Variants in SPAG16 observed in about 807,000 individuals in gnomAD.
SPAG16 encodes the protein sperm-associated antigen 16 protein.
Under a neutral mutation model 80.4 loss-of-function variants are expected in SPAG16, and 86 were observed. The observed-to-expected ratio is 1.07, with a 90% CI of 0.90 to 1.28. The LOEUF is 1.28. Ranked by LOEUF, SPAG16 falls within the 50% of genes most tolerant of loss-of-function variation. The probability of loss-of-function intolerance (pLI) is 0.00; values close to 1 mark genes in which losing one functional copy is unlikely to be tolerated. For missense variants in SPAG16, 870 were observed against 765.3 expected (o/e 1.14, Z -1.61); for synonymous variants, 294 against 265.9 (o/e 1.11, Z -1.03).
intron 10 of SPAG16, among the ~76,000 whole-genome samples, chr2:213,557,879 A>C (rs561429267): frequency 6.6e-6 from 1 of 152,354 alleles, no homozygotes; most frequent in Non-Finnish European, 1.5e-5. Context: ...ATGTGATTAT[A>C]TATTTGCAGC....
At chr2:213,643,384 A>G (rs866667715) in intron 10 of SPAG16, among the ~76,000 whole-genome samples, 2 of 72,190 alleles carry the variant, frequency 2.8e-5, no homozygotes, top group Non-Finnish European at 2.7e-5. Context: ...ATATATATAT[A>G]TATATATATA....
intron 9 of SPAG16, among the ~76,000 whole-genome samples, chr2:213,376,408 A>G (rs2066884239): frequency 6.6e-6 from 1 of 152,020 alleles, no homozygotes; most frequent in Non-Finnish European, 1.5e-5. Flanking sequence ...TGCATAGTAT[A>G]TTATTTTATG....
At chr2:213,440,627 T>C (rs1232347820) in intron 9 of SPAG16, among the ~76,000 whole-genome samples, 1 of 152,150 alleles carries the variant, frequency 6.6e-6, no homozygotes, top group South Asian at 2.1e-4. Flanking sequence ...AAGAGATCCA[T>C]GCATACATGG....
intron 14 of SPAG16, among the ~76,000 whole-genome samples, chr2:214,111,236 T>A (rs140087090): frequency 0.12 from 18,985 of 152,202 alleles, 1,338 homozygotes; most frequent in Non-Finnish European, 0.16. Flanking sequence ...ATTCCCTAGG[T>A]TTTCCTCTAG....
At position 214,394,232 on chromosome 2, in the gene SPAG16, A is replaced by G. The variant is rs565617749; in HGVS notation, c.1721-15908A>G. Reference sequence around the variant, plus strand: ...TTTTTCTCTCTCTCTTTCTAAGTCAAGTAAGATCTATACAGTGATGATTTT... The same window carrying G: ...TTTTTCTCTCTCTCTTTCTAAGTCAGGTAAGATCTATACAGTGATGATTTT... On this transcript the variant is annotated intron_variant, in intron 15 of 15. Coordinates refer to ENST00000331683, the MANE Select transcript of SPAG16 (RefSeq NM_024532.5). Among the ~76,000 whole-genome samples, 32 of 151,962 alleles carry G rather than the reference A, an allele frequency of 2.1e-4. No individual in the cohort carries two copies. In the South Asian group the frequency reaches 6.4e-3, roughly 31 times the overall value.
rs1318227705 is a variant in SPAG16, at chr2:213,903,323, C to A, written c.1215-26637C>A. On this transcript the variant is annotated intron_variant, in intron 11 of 15. Coordinates refer to ENST00000331683, the MANE Select transcript of SPAG16 (RefSeq NM_024532.5). Reference sequence around the variant, plus strand: ...CTGCAGCAAACTTCTGCCTGGACATCCAGGTGTTTCTATACATCTTCTGAA... The same window carrying A: ...CTGCAGCAAACTTCTGCCTGGACATACAGGTGTTTCTATACATCTTCTGAA... Among the ~76,000 whole-genome samples the A allele has an allele frequency of 2.0e-5, 3 of 152,236 alleles. No homozygotes were observed. In the East Asian group the frequency reaches 5.8e-4, roughly 29 times the overall value.
At chr2:213,646,264 A>G (rs964148343) in intron 10 of SPAG16, among the ~76,000 whole-genome samples, 2 of 151,398 alleles carry the variant, frequency 1.3e-5, no homozygotes, top group South Asian at 4.2e-4. Flanking sequence ...CAGTGTAGAT[A>G]GCTGTTAACT....
intron 13 of SPAG16, among the ~76,000 whole-genome samples, chr2:214,037,864 G>GGTGTGT (rs35564156): frequency 0.042 from 5,628 of 133,312 alleles, 144 homozygotes; most frequent in Middle Eastern, 0.076. Flanking sequence ...CCAGAAGCCT[G>GGTGTGT]GTGTGTGTGT....
At chr2:213,309,939 C>T (rs976479712) in intron 3 of SPAG16, 120 bp from the exon 4 acceptor site, 1 of 613,110 alleles carries the variant, frequency 1.6e-6, no homozygotes, top group Admixed American at 3.1e-5. Flanking sequence ...TGGCATATAA[C>T]AGTCAACAAA....
At chr2:214,372,975 A>C (rs1352578357) in intron 15 of SPAG16, among the ~76,000 whole-genome samples, 1 of 152,194 alleles carries the variant, frequency 6.6e-6, no homozygotes, top group Non-Finnish European at 1.5e-5. Context: ...TGCAATGACA[A>C]AGCAGTATTC....
At chr2:213,522,154 A>C (rs536257253) in intron 10 of SPAG16, among the ~76,000 whole-genome samples, 1 of 152,370 alleles carries the variant, frequency 6.6e-6, no homozygotes, top group South Asian at 2.1e-4. Context: ...TTGACAGAAA[A>C]GAACAAAGAA....
chr2:213,348,549 A>C (rs2065134962), intron 6 of SPAG16, among the ~76,000 whole-genome samples: 1 of 152,062 alleles, frequency 6.6e-6, no homozygotes, highest in Admixed American at 6.6e-5. Context: ...TGCTTCCTTC[A>C]GGAGCTCTTT....
In SPAG16 at chr2:214,014,065, G is replaced by A; in HGVS notation, c.1515G>A (p.Trp505Ter). 1 of 1,612,012 alleles carries A rather than the reference G, an allele frequency of 6.2e-7. No homozygotes were observed. Residue 505 changes from tryptophan to a stop codon, truncating the protein, a stop_gained, in exon 13 of 16, where the codon TGG (tryptophan) becomes TGA (stop). Transcript: ENST00000331683. LOFTEE classifies it high-confidence loss of function. The part of the protein sequence containing the change: ...TSSADKTLSI[W>*]DARTGICEQS... Reference sequence around the variant, plus strand: ...CTGCAGACAAGACCCTGTCTATATGGGATGCAAGAACAGTAAGCAAATCAT... The same window carrying A: ...CTGCAGACAAGACCCTGTCTATATGAGATGCAAGAACAGTAAGCAAATCAT...
intron 11 of SPAG16, among the ~76,000 whole-genome samples, chr2:213,879,502 C>T (rs191698000): frequency 1.0e-3 from 157 of 151,874 alleles, no homozygotes; most frequent in African/African-American, 3.3e-3. Flanking sequence ...AGAAATGCTA[C>T]TGATTTATTT....
chr2:213,577,192 G>T (rs1425175275), intron 10 of SPAG16, among the ~76,000 whole-genome samples: 1 of 151,942 alleles, frequency 6.6e-6, no homozygotes, highest in African/African-American at 2.4e-5. Flanking sequence ...CTTTATGAAA[G>T]AAAAAGGGAA....
chr2:214,271,852 C>CCCCCA (rs1553541535), intron 15 of SPAG16, among the ~76,000 whole-genome samples: 3 of 140,634 alleles, frequency 2.1e-5, no homozygotes, highest in African/African-American at 5.6e-5. Context: ...ACCCCCCCCC[C>CCCCCA]AAAAAAAAAG....
intron 15 of SPAG16, among the ~76,000 whole-genome samples, chr2:214,309,065 C>G (rs965368027): frequency 3.3e-5 from 5 of 151,938 alleles, no homozygotes; most frequent in African/African-American, 1.2e-4. Context: ...TCCCATATGT[C>G]TCAGAGGTTT....
rs369069341 is a variant in SPAG16, at chr2:214,407,549, C to T, written c.1721-2591C>T. Among the ~76,000 whole-genome samples the T allele has an allele frequency of 5.3e-5, 8 of 152,228 alleles. No individual in the cohort carries two copies. The East Asian group carries it at 5.8e-4, about 11-fold the overall frequency. ...CCTAAATTTGTCATTAAGACCCTGA[C>T]ATTCAGATGACAAGTGATTTGCAGT... On this transcript the variant is annotated intron_variant, in intron 15 of 15. Transcript: ENST00000331683.
At chr2:213,367,349 T>C (rs9678346) in intron 8 of SPAG16, among the ~76,000 whole-genome samples, 40,654 of 151,662 alleles carry the variant, frequency 0.27, 6,068 homozygotes, top group Middle Eastern at 0.45. Flanking sequence ...TTCAAGATCT[T>C]TGAGGAATTG....
Sources: gnomAD v4.1 joint callset for allele counts (sites outside exome capture counted in the v4.1 genomes callset) on GRCh38, gnomAD v4.1.1 for gene constraint, MANE v1.5 for transcripts, NCBI Gene and HGNC (gene_info 2026-07-23, HGNC 2026-07-21) for gene names.